The following PPARG variants were observed in gnomAD, a reference collection of about 807,000 sequenced individuals.
PPARG encodes peroxisome proliferator activated receptor gamma.
A neutral mutation model predicts 39.2 loss-of-function variants in PPARG; 17 were observed. The observed-to-expected ratio is 0.43, with a 90% CI of 0.30 to 0.65. The LOEUF (loss-of-function observed/expected upper bound fraction) is 0.65, where lower values mean the gene tolerates loss of function less well. PPARG is among the 30% of genes least tolerant of loss of function. The pLI is 0.13. For missense variants in PPARG, 406 were observed against 585.9 expected, an observed-to-expected ratio of 0.69 and a Z score of 3.17; for synonymous variants, 223 against 215.7, an observed-to-expected ratio of 1.03 and a Z score of -0.30.
chr3:12,307,564 A>G (rs1223881027), intron 1 of PPARG, among the ~76,000 whole-genome samples: 2 of 152,178 alleles, frequency 1.3e-5, no homozygotes, highest in African/African-American at 4.8e-5. Context: ...TGATAGACAT[A>G]AAGTGCTGGG....
At chr3:12,402,080 T>C (rs1269930391) in intron 5 of PPARG, among the ~76,000 whole-genome samples, 2 of 152,224 alleles carry the variant, frequency 1.3e-5, no homozygotes, top group East Asian at 3.8e-4. Context: ...AAATTGCTTT[T>C]CTAGGTGTGT....
chr3:12,306,527 C>T (rs1172614080), intron 1 of PPARG, among the ~76,000 whole-genome samples: 1 of 152,200 alleles, frequency 6.6e-6, no homozygotes, highest in African/African-American at 2.4e-5. Context: ...GCACAGGAGC[C>T]TACTTTGCAA....
At chr3:12,293,043 CT>C (rs1436673054) in intron 1 of PPARG, among the ~76,000 whole-genome samples, 2 of 152,364 alleles carry the variant, frequency 1.3e-5, no homozygotes, top group South Asian at 4.1e-4. Flanking sequence ...CTTCCACTGC[CT>C]TAATCCTACA....
chr3:12,406,572 C>G (rs1371425091), intron 6 of PPARG: 1 of 88,944 alleles, frequency 1.1e-5, no homozygotes, highest in Non-Finnish European at 2.4e-5. Context: ...TGTCGTCTCA[C>G]TTTGTCGCCC....
At chr3:12,305,761 C>T (rs2047045554) in intron 1 of PPARG, 1 of 152,202 alleles carries the variant, frequency 6.6e-6, no homozygotes, top group African/African-American at 2.4e-5. Flanking sequence ...TAACATTACT[C>T]ATTAAGGTAA....
At chr3:12,339,195 C>A (rs1454759702) in intron 2 of PPARG, among the ~76,000 whole-genome samples, 1 of 152,016 alleles carries the variant, frequency 6.6e-6, no homozygotes, top group African/African-American at 2.4e-5. Flanking sequence ...TGAAAAAAAA[C>A]CAAACACATG....
intron 2 of PPARG, among the ~76,000 whole-genome samples, chr3:12,323,620 G>A (rs980875434): frequency 3.9e-5 from 6 of 152,094 alleles, no homozygotes; most frequent in Non-Finnish European, 8.8e-5. Context: ...AGTTTATTGT[G>A]GTTAAATAAC....
intron 2 of PPARG, among the ~76,000 whole-genome samples, chr3:12,347,162 G>A (rs1251720375): frequency 6.6e-6 from 1 of 151,454 alleles, no homozygotes; most frequent in Non-Finnish European, 1.5e-5. Flanking sequence ...ACTCCAGCCT[G>A]AGGGACAGAG....
chr3:12,303,673 C>T (rs2046986473), intron 1 of PPARG, among the ~76,000 whole-genome samples: 1 of 152,180 alleles, frequency 6.6e-6, no homozygotes, highest in Non-Finnish European at 1.5e-5. Context: ...TGGTTCAGCT[C>T]AGCATAAGGA....
chr3:12,393,351 T>G (rs2050148463), intron 5 of PPARG, among the ~76,000 whole-genome samples: 1 of 152,136 alleles, frequency 6.6e-6, no homozygotes, highest in South Asian at 2.1e-4. Context: ...AATAAAACTT[T>G]CTACTTTTGA....
At chr3:12,354,038 T>C (rs2048576894) in intron 2 of PPARG, among the ~76,000 whole-genome samples, 1 of 152,208 alleles carries the variant, frequency 6.6e-6, no homozygotes, top group African/African-American at 2.4e-5. Context: ...AATGCTGCAA[T>C]AGACAATCCT....
At chr3:12,333,229 A>G (rs939179376) in intron 2 of PPARG, among the ~76,000 whole-genome samples, 5 of 152,216 alleles carry the variant, frequency 3.3e-5, no homozygotes, top group African/African-American at 1.2e-4. Flanking sequence ...CTGTATGCCA[A>G]GCACTTCTAA....
chr3:12,349,053 T>TC (rs1162577958), intron 2 of PPARG, among the ~76,000 whole-genome samples: 1 of 152,222 alleles, frequency 6.6e-6, no homozygotes, highest in Non-Finnish European at 1.5e-5. Flanking sequence ...ATATATTGTT[T>TC]CTCATATCAT....
intron 2 of PPARG, among the ~76,000 whole-genome samples, chr3:12,324,240 C>G (rs570728394): frequency 6.6e-6 from 1 of 151,978 alleles, no homozygotes; most frequent in East Asian, 1.9e-4. Flanking sequence ...GATCGTGCCA[C>G]TGCACTCCAG....
intron 5 of PPARG, among the ~76,000 whole-genome samples, chr3:12,396,371 C>T (rs1192064877): frequency 6.6e-6 from 1 of 152,168 alleles, no homozygotes; most frequent in African/African-American, 2.4e-5. Context: ...ATCCACCCAC[C>T]TCAGCCTCCC....
intron 2 of PPARG, among the ~76,000 whole-genome samples, chr3:12,366,216 G>T (rs2049011348): frequency 6.6e-6 from 1 of 152,028 alleles, no homozygotes; most frequent in South Asian, 2.1e-4. Flanking sequence ...GGGGTAATGT[G>T]TTTTTAATAT....
At chr3:12,393,239 A>G (rs1454947156) in intron 5 of PPARG, among the ~76,000 whole-genome samples, 3 of 123,112 alleles carry the variant, frequency 2.4e-5, no homozygotes, top group African/African-American at 9.5e-5. Flanking sequence ...AAAGACGAGT[A>G]TTCGTTTCCT....
chr3:12,314,162 A>G (rs1260264339), intron 2 of PPARG, among the ~76,000 whole-genome samples: 1 of 152,182 alleles, frequency 6.6e-6, no homozygotes, highest in Non-Finnish European at 1.5e-5. Flanking sequence ...CCATAATCCC[A>G]GCTACTTGGG....
At chr3:12,433,691 A>G (rs1466564537) in intron 7 of PPARG, among the ~76,000 whole-genome samples, 1 of 152,196 alleles carries the variant, frequency 6.6e-6, no homozygotes, top group Non-Finnish European at 1.5e-5. Flanking sequence ...GGCCCTGCAA[A>G]GAGCTCTGAT....
Sources: gnomAD v4.1 joint callset for allele counts (sites outside exome capture counted in the v4.1 genomes callset) on GRCh38, gnomAD v4.1.1 for gene constraint, MANE v1.5 for transcripts, NCBI Gene and HGNC (gene_info 2026-07-23, HGNC 2026-07-21) for gene names.